The following LGI2 variants were observed in gnomAD, a reference collection of about 807,000 sequenced individuals.
LGI2 encodes the protein leucine-rich repeat LGI family member 2.
A neutral mutation model predicts 52.0 loss-of-function variants in LGI2; 30 were observed. That is an observed-to-expected ratio of 0.58 (90% confidence interval 0.43 to 0.78). LGI2 has a LOEUF of 0.78. Among genes scored for constraint, LGI2 ranks in the 30% least tolerant of loss-of-function variants. The pLI, the probability that LGI2 is intolerant of heterozygous loss-of-function variation, is 0.00. For synonymous variants in LGI2, 270 were observed against 271.8 expected (o/e 0.99, Z 0.06); for missense variants, 573 against 692.5 (o/e 0.83, Z 1.94).
chr4:25,001,837 C>A lies in LGI2; in HGVS notation c.*1614G>T, dbSNP rs937905992. ...AAAGTCAGGAAACAACAAACACATTCATATTTGTGGCAAAACATCTACCTA... is the reference window on the plus strand; with the variant it reads ...AAAGTCAGGAAACAACAAACACATTAATATTTGTGGCAAAACATCTACCTA... On this transcript the variant is annotated 3_prime_UTR_variant, in exon 8 of 8. Transcript: ENST00000382114. 3 of 152,096 alleles carry A rather than the reference C, an allele frequency of 2.0e-5. No individual in the cohort carries two copies. Among genetic ancestry groups the A allele is most frequent in the African/African-American group, 7.2e-5 (3 of 41,410 alleles). The allele number at this position is 152,096 out of a possible 1,614,324, so 9.4% of individuals were successfully genotyped here.
At chr4:25,016,633 T>C (rs1408494172) in intron 6 of LGI2, among the ~76,000 whole-genome samples, 2 of 152,214 alleles carry the variant, frequency 1.3e-5, no homozygotes, top group African/African-American at 4.8e-5. Context: ...GCAGGTTGTC[T>C]ATCAGAAAAG....
At chr4:25,013,141 A>T (rs897859596) in intron 6 of LGI2, among the ~76,000 whole-genome samples, 2 of 152,204 alleles carry the variant, frequency 1.3e-5, no homozygotes, top group African/African-American at 4.8e-5. Context: ...TCTTAGGGGT[A>T]TTATGGTTTC....
chr4:25,003,536 G>T lies in LGI2; in HGVS notation c.1553C>A (p.Thr518Asn). The T allele has an allele frequency of 6.2e-7, 1 of 1,613,554 alleles. No individual in the cohort carries two copies. Among genetic ancestry groups the T allele is most frequent in the Non-Finnish European group, 8.5e-7 (1 of 1,179,902 alleles). The change falls in exon 8 of 8, where the codon ACC becomes AAC. Residue 518 changes from threonine to asparagine, a missense_variant. Thr to Asn is a moderately conservative substitution (Grantham distance 65). Coordinates refer to ENST00000382114, the MANE Select transcript of LGI2 (RefSeq NM_018176.4). ...QAPRSFTAVS[T>N]DRRDFFFASS... ...TGCAAAAAAGAAATCTCTCCTGTCG[G>T]TGGAGACAGCTGTGAATGAACGAGG... is the stretch of plus-strand genomic sequence containing the variant.
rs1046213741 is a variant in LGI2 at position 25,030,375 on chromosome 4, G to A, written c.197+122C>T. On this transcript the variant is annotated intron_variant, in intron 1 of 7. Coordinates refer to ENST00000382114, the MANE Select transcript of LGI2 (RefSeq NM_018176.4). ...CTCCACCCACGTCCCCCACACAAAG[G>A]CAAAGAAGGGGCCTGGGGAGTGGGT... The A allele has an allele frequency of 1.5e-5, 16 of 1,061,248 alleles. No individual in the cohort carries two copies. The Admixed American group carries it at 2.9e-4, about 19-fold the overall frequency. The allele number at this position is 1,061,248 out of a possible 1,614,324, so 65.7% of individuals were successfully genotyped here.
chr4:25,009,458 C>T (rs1481780718), intron 7 of LGI2, among the ~76,000 whole-genome samples: 1 of 152,150 alleles, frequency 6.6e-6, no homozygotes, highest in Non-Finnish European at 1.5e-5. Flanking sequence ...AATCTTCCCA[C>T]ACACAGTACT....
rs183872187 is a variant in LGI2 at position 25,023,815 on chromosome 4, G to A, written c.413+1005C>T. On this transcript the variant is annotated intron_variant, in intron 4 of 7. Transcript: ENST00000382114. Reference sequence around the variant, plus strand: ...AACGAATTACTCCTACCAAGATAATGAGCATTTTTACATTTTCATAAACAC... The same window carrying A: ...AACGAATTACTCCTACCAAGATAATAAGCATTTTTACATTTTCATAAACAC... 5.3e-3 allele frequency among the ~76,000 whole-genome samples: 814 copies of A among 152,254 alleles called. 4 individuals carry two copies. The highest frequency in any genetic ancestry group is 7.1e-3 in the Non-Finnish European group (483 of 68,020).
At chr4:25,019,951 C>T (rs1725902029) in intron 4 of LGI2, among the ~76,000 whole-genome samples, 2 of 152,326 alleles carry the variant, frequency 1.3e-5, no homozygotes, top group South Asian at 2.1e-4. Context: ...CAGTGCCTGG[C>T]ACACAGCAGG....
chr4:24,995,981 C>T (rs996309529), downstream of LGI2, among the ~76,000 whole-genome samples: 3 of 151,972 alleles, frequency 2.0e-5, no homozygotes, highest in Non-Finnish European at 1.5e-5. Flanking sequence ...GTGAGCTTTG[C>T]GGAAGAGTGG....
At chr4:25,015,208 C>T (rs1348744261) in intron 6 of LGI2, among the ~76,000 whole-genome samples, 1 of 152,182 alleles carries the variant, frequency 6.6e-6, no homozygotes, top group Non-Finnish European at 1.5e-5. Context: ...TTATACATGA[C>T]GCCGATCCTT....
At position 24,999,796 on chromosome 4, in the gene LGI2, C is replaced by A. The variant is rs1287548403; in HGVS notation, c.*3655G>T. The A allele has an allele frequency of 2.2e-6, 1 of 456,008 alleles. No homozygotes were observed. Among genetic ancestry groups the A allele is most frequent in the Non-Finnish European group, 4.4e-6 (1 of 226,920 alleles). 28.2% of individuals were successfully genotyped at this position (456,008 alleles called of 1,614,324 possible). On this transcript the variant is annotated 3_prime_UTR_variant, in exon 8 of 8. Coordinates refer to ENST00000382114, the MANE Select transcript of LGI2 (RefSeq NM_018176.4). ...ACTCCATGGGGAAGAAAAAATGCAA[C>A]TCTGCCATTTCCAGTGTGCTTCCTG...
chr4:25,018,000 C>T lies in LGI2; in HGVS notation c.644G>A (p.Cys215Tyr). ...TAGGCTCTGAATACCTGTAGTTGTG[C>T]ATTCATAGTCAAAGCTGGTCACGTC... ...LNDVTSFDYE[C>Y]TTTDFVVHQT... The change falls in exon 6 of 8, where the codon TGC (cysteine) becomes TAC (tyrosine). Residue 215 changes from cysteine (C) to tyrosine (Y), a missense_variant. Cys to Tyr is a radical substitution (Grantham distance 194). Coordinates refer to ENST00000382114, the MANE Select transcript of LGI2 (RefSeq NM_018176.4). The T allele has an allele frequency of 1.2e-6, 2 of 1,609,368 alleles. No homozygotes were observed. The highest frequency in any genetic ancestry group is 1.7e-6 in the Non-Finnish European group (2 of 1,178,558).
intron 3 of LGI2, among the ~76,000 whole-genome samples, chr4:25,025,498 G>A (rs566115184): frequency 1.1e-4 from 16 of 152,338 alleles, no homozygotes; most frequent in Admixed American, 9.8e-4. Flanking sequence ...ATGAAGTTGA[G>A]TAGGAACCAA....
chr4:25,026,238 A>G (rs1386090768), intron 3 of LGI2, among the ~76,000 whole-genome samples: 1 of 151,988 alleles, frequency 6.6e-6, no homozygotes, highest in Admixed American at 6.6e-5. Context: ...CAAAGTTACC[A>G]AAGACAAGGA....
At chr4:25,029,515 GCAC>G (rs1479231286) in intron 1 of LGI2, among the ~76,000 whole-genome samples, 3 of 152,218 alleles carry the variant, frequency 2.0e-5, no homozygotes, top group Admixed American at 2.0e-4. Context: ...CACTGACTGG[GCAC>G]CCAGGCATCT....
intron 7 of LGI2, among the ~76,000 whole-genome samples, chr4:25,011,694 C>A (rs570619982): frequency 6.6e-6 from 1 of 152,166 alleles, no homozygotes; most frequent in Admixed American, 6.5e-5. Flanking sequence ...TCAGATTGCA[C>A]GTTGATAAAT....
intron 4 of LGI2, among the ~76,000 whole-genome samples, chr4:25,024,001 T>C (rs1726061879): frequency 6.6e-6 from 1 of 152,156 alleles, no homozygotes; most frequent in Non-Finnish European, 1.5e-5. Context: ...TAATCCAATA[T>C]AAAACAAAAA....
rs749848559 is a variant in LGI2 at position 24,999,798 on chromosome 4, C to CT, written c.*3652dup. The CT allele has an allele frequency of 1.4e-4, 63 of 456,148 alleles. No individual in the cohort carries two copies. Among genetic ancestry groups the CT allele is most frequent in the Non-Finnish European group, 2.6e-4 (59 of 226,920 alleles). The allele number at this position is 456,148 out of a possible 1,614,324, so 28.3% of individuals were successfully genotyped here. On this transcript the variant is annotated 3_prime_UTR_variant, in exon 8 of 8. Coordinates refer to ENST00000382114, the MANE Select transcript of LGI2 (RefSeq NM_018176.4). ...TCCATGGGGAAGAAAAAATGCAACT[C>CT]TGCCATTTCCAGTGTGCTTCCTGAA...
intron 6 of LGI2, 86 bp downstream of exon 6, chr4:25,017,902 CT>C: frequency 1.7e-6 from 2 of 1,203,364 alleles, no homozygotes; most frequent in Non-Finnish European, 1.1e-6. Flanking sequence ...TCTATATTCA[CT>C]TTTCCCCAGT....
At chr4:25,024,260 T>A (rs1006066628) in intron 4 of LGI2, among the ~76,000 whole-genome samples, 4 of 152,208 alleles carry the variant, frequency 2.6e-5, no homozygotes, top group Non-Finnish European at 5.9e-5. Context: ...ACGCCTGTAA[T>A]CCCAGCACTT....
Sources: allele counts gnomAD v4.1 joint callset (sites outside exome capture counted in the v4.1 genomes callset), GRCh38; gene constraint gnomAD v4.1.1; transcripts MANE v1.5; gene names NCBI Gene and HGNC (gene_info 2026-07-23, HGNC 2026-07-21).